Variants in PTPRB observed in about 807,000 individuals in gnomAD.
The protein encoded by PTPRB is protein tyrosine phosphatase receptor type B, also known as receptor-type tyrosine-protein phosphatase beta.
PTPRB carries 97 observed loss-of-function variants against 238.1 expected under a neutral mutation model. The ratio of observed to expected loss-of-function variants is 0.41; its 90% CI spans 0.35 to 0.48. The LOEUF is 0.48. Ranked by LOEUF, PTPRB falls within the 20% of genes least tolerant of loss-of-function variation. The pLI is 0.30. For synonymous variants in PTPRB, 970 were observed against 995.4 expected (o/e 0.97, Z 0.48); for missense variants, 2,292 against 2,681.9 (o/e 0.85, Z 3.21).
At chr12:70,635,354 C>T (rs542589098) in intron 2 of PTPRB, among the ~76,000 whole-genome samples, 4 of 152,188 alleles carry the variant, frequency 2.6e-5, no homozygotes, top group Admixed American at 6.5e-5. Context: ...ATCCATATTC[C>T]TACATCTAAC....
chr12:70,559,367 G>A lies in PTPRB; in HGVS notation c.4690C>T (p.Pro1564Ser), dbSNP rs554338055. 3.1e-6 allele frequency: 5 copies of A among 1,613,522 alleles called. No homozygotes were observed. In the South Asian group the frequency reaches 3.3e-5, roughly 11 times the overall value. Reference protein sequence around the residue: ...SGDSWKTYSKPIFGSVRTKPD... With the variant: ...SGDSWKTYSKSIFGSVRTKPD... ...CTTGTCCTCACAGATCCAAAAATTGGTTTGCTGTAAGTTTTCCAGGAATCA... is the reference window on the plus strand; with the variant it reads ...CTTGTCCTCACAGATCCAAAAATTGATTTGCTGTAAGTTTTCCAGGAATCA... The change falls in exon 18 of 34, where the codon CCA becomes TCA. Residue 1564 changes from proline (P) to serine (S), a missense_variant. Around this residue, in one of 4 missense-constraint regions of PTPRB, gnomAD observed 683 missense variants for 862.0 expected, o/e 0.79. Coordinates refer to ENST00000334414, the MANE Select transcript of PTPRB (RefSeq NM_001109754.4).
chr12:70,519,066 T>C lies in PTPRB; in HGVS notation c.*2423A>G, dbSNP rs372860834. 1.3e-5 allele frequency: 2 copies of C among 152,286 alleles called. No homozygotes were observed. The highest frequency in any genetic ancestry group is 1.9e-4 in the East Asian group (1 of 5,186). 9.4% of individuals were successfully genotyped at this position (152,286 alleles called of 1,614,324 possible). A position where few individuals can be genotyped will look rare whatever the true frequency, so the allele number is the denominator to read the frequency against. ...CCAGGAGTAGGAGCGAATAGTGAAA[T>C]ATTTGTTGCTAAGAAGGTTTAAAAT... On this transcript the variant is annotated 3_prime_UTR_variant, in exon 34 of 34. Transcript: ENST00000334414.
intron 15 of PTPRB, among the ~76,000 whole-genome samples, 195 bp downstream of exon 15, chr12:70,566,240 A>C (rs1879277179): frequency 6.6e-6 from 1 of 152,210 alleles, no homozygotes; most frequent in Non-Finnish European, 1.5e-5. Flanking sequence ...AAAAATCAGA[A>C]ACAGAGTGTG....
intron 21 of PTPRB, among the ~76,000 whole-genome samples, chr12:70,552,537 A>C (rs1434989486): frequency 1.3e-5 from 2 of 152,092 alleles, no homozygotes; most frequent in Non-Finnish European, 2.9e-5. Context: ...ATCTATTAAG[A>C]ACCTTCAGTT....
intron 11 of PTPRB, among the ~76,000 whole-genome samples, chr12:70,573,484 G>T (rs138200330): frequency 0.018 from 2,565 of 146,512 alleles, 63 homozygotes; most frequent in African/African-American, 0.06. Context: ...TTGATGCATG[G>T]TTTCTTTTTT....
chr12:70,577,816 T>C (rs1023879165), intron 10 of PTPRB, among the ~76,000 whole-genome samples: 7 of 152,224 alleles, frequency 4.6e-5, no homozygotes, highest in Non-Finnish European at 1.0e-4. Flanking sequence ...GATCCACATA[T>C]ATGGACATTT....
intron 27 of PTPRB, 42 bp from the exon 28 acceptor site, chr12:70,538,273 C>G (rs1334485827): frequency 1.9e-6 from 3 of 1,554,404 alleles, no homozygotes; most frequent in Non-Finnish European, 2.6e-6. Flanking sequence ...AGTGACTTTT[C>G]TACAGTTTAT....
chr12:70,609,357 A>C lies in PTPRB; in HGVS notation c.709-18T>G. On this transcript the variant is annotated intron_variant, in intron 3 of 33. Transcript: ENST00000334414. ...AGTCCAGTCTGCAAAGGAATCAGACACAACAGTTTAAGTCCACAGTCTGGA... is the reference window on the plus strand; with the variant it reads ...AGTCCAGTCTGCAAAGGAATCAGACCCAACAGTTTAAGTCCACAGTCTGGA... 6.2e-7 allele frequency: 1 copy of C among 1,611,018 alleles called. No individual in the cohort carries two copies. Among genetic ancestry groups the C allele is most frequent in the Non-Finnish European group, 8.5e-7 (1 of 1,178,588 alleles).
At chr12:70,558,349 T>G (rs1048844521) in intron 18 of PTPRB, among the ~76,000 whole-genome samples, 5 of 152,218 alleles carry the variant, frequency 3.3e-5, no homozygotes, top group African/African-American at 4.8e-5. Context: ...GCATAAAAGT[T>G]ATACTTGTTA....
rs368648598 is a variant in PTPRB, at chr12:70,581,217, G to A, written c.2397C>T (p.Asp799=). The A allele has an allele frequency of 5.0e-5, 80 of 1,613,768 alleles. 1 individual carries two copies. Among genetic ancestry groups the A allele is most frequent in the African/African-American group, 1.6e-4 (12 of 74,884 alleles). ...LFTNWTQAQG[D]VEFYQVLLIH... ...TCAGTAAGACTTGGTAAAATTCTAC[G>A]TCTCCTTGTGCCTGGGTCCAGTTAG... Residue 799 remains aspartate (D), a synonymous_variant, in exon 10 of 34, where the codon GAC becomes GAT. Transcript: ENST00000334414.
chr12:70,578,840 AC>A (rs1881064906), intron 10 of PTPRB, among the ~76,000 whole-genome samples: 1 of 152,106 alleles, frequency 6.6e-6, no homozygotes, highest in Non-Finnish European at 1.5e-5. Flanking sequence ...ACACAGCTAG[AC>A]TGCATTTCTC....
chr12:70,595,299 G>C (rs1466124102), intron 5 of PTPRB, among the ~76,000 whole-genome samples: 1 of 152,082 alleles, frequency 6.6e-6, no homozygotes, highest in Middle Eastern at 3.2e-3. Context: ...GACCTGTTGG[G>C]GGGTGAGGGG....
intron 4 of PTPRB, among the ~76,000 whole-genome samples, chr12:70,607,706 T>TTTTA (rs1884074923): frequency 4.0e-5 from 6 of 151,764 alleles, no homozygotes. Context: ...CAGGCGAATT[T>TTTTA]TTTATTTATT....
intron 28 of PTPRB, among the ~76,000 whole-genome samples, chr12:70,536,663 G>C (rs746779427): frequency 7.9e-5 from 12 of 152,206 alleles, no homozygotes; most frequent in Non-Finnish European, 1.5e-4. Flanking sequence ...CACAGTCCAA[G>C]AGCGGGATAT....
Position 70,559,566 on chromosome 12 carries a change from G to A in PTPRB, c.4491C>T (p.Ile1497=). The A allele has an allele frequency of 6.2e-7, 1 of 1,613,174 alleles. No individual in the cohort carries two copies. The highest frequency in any genetic ancestry group is 1.1e-5 in the South Asian group (1 of 91,064). ...TCCAGTCTGGGGGCCCTTTCCACGT[G>A]ATGGCCAAGGATGTGTTTGCAATGT... ...FADIANTSLA[I]TWKGPPDWTD... The change falls in exon 18 of 34, where the codon ATC becomes ATT. Residue 1497 remains isoleucine (I), a synonymous_variant. Transcript: ENST00000334414.
chr12:70,543,713 G>A (rs73142926), intron 22 of PTPRB, among the ~76,000 whole-genome samples: 16,817 of 152,226 alleles, frequency 0.11, 1,270 homozygotes, highest in South Asian at 0.2. Context: ...GGTGTTGGGA[G>A]GGAAGGTGAT....
At chr12:70,526,830 T>G (rs896801935) in intron 32 of PTPRB, among the ~76,000 whole-genome samples, 4 of 152,344 alleles carry the variant, frequency 2.6e-5, no homozygotes, top group Non-Finnish European at 5.9e-5. Context: ...TGAACTCTAG[T>G]GCATCTGTGC....
rs1877637797 is a variant in PTPRB at position 70,556,138 on chromosome 12, C to T, written c.4725G>A (p.Lys1575=). The T allele has an allele frequency of 6.2e-7, 1 of 1,612,884 alleles. No homozygotes were observed. Among genetic ancestry groups the T allele is most frequent in the African/African-American group, 1.3e-5 (1 of 74,830 alleles). ...GAGGCCGGCAATGCAGGTTTTGTAT[C>T]TTGTCAGGCTCTAAAGGAAACAGAG... The part of the protein sequence containing the change: ...IFGSVRTKPD[K]IQNLHCRPQN... Residue 1575 remains lysine (K), a synonymous_variant, in exon 19 of 34, where the codon AAG becomes AAA. Coordinates refer to ENST00000334414, the MANE Select transcript of PTPRB (RefSeq NM_001109754.4).
intron 32 of PTPRB, 43 bp from the exon 33 acceptor site, chr12:70,524,634 T>C: frequency 6.5e-7 from 1 of 1,540,078 alleles, no homozygotes. Context: ...CCTGTTCTCA[T>C]GCATAAGAAA....
Sources: allele counts gnomAD v4.1 joint callset (sites outside exome capture counted in the v4.1 genomes callset), GRCh38; gene constraint gnomAD v4.1.1; regional missense constraint gnomAD v4.1.1; transcripts MANE v1.5; gene names NCBI Gene and HGNC (gene_info 2026-07-23, HGNC 2026-07-21).